Variants in MICU1 observed in about 807,000 individuals in gnomAD.
The protein encoded by MICU1 is calcium uptake protein 1, mitochondrial.
In MICU1, 45 loss-of-function variants were observed where a neutral mutation model predicts 56.8. The observed-to-expected ratio is 0.79, with a 90% CI of 0.62 to 1.02. MICU1 has a LOEUF of 1.02. MICU1 is among the 50% of genes least tolerant of loss of function. MICU1 has a pLI of 0.00. For synonymous variants in MICU1, 186 were observed against 195.1 expected (o/e 0.95, Z 0.39); for missense variants, 504 against 587.1 (o/e 0.86, Z 1.46).
At chr10:72,426,847 T>C (rs1864362435) in intron 8 of MICU1, among the ~76,000 whole-genome samples, 1 of 152,212 alleles carries the variant, frequency 6.6e-6, no homozygotes, top group Admixed American at 6.5e-5. Context: ...GAGTGCCATA[T>C]ACATGTAATC....
At chr10:72,370,795 C>T (rs1443435263) in intron 11 of MICU1, among the ~76,000 whole-genome samples, 2 of 152,120 alleles carry the variant, frequency 1.3e-5, no homozygotes, top group African/African-American at 2.4e-5. Flanking sequence ...CTTTGGGAGG[C>T]CGAGGCGGGC....
chr10:72,388,217 C>T (rs1364253739), intron 10 of MICU1, among the ~76,000 whole-genome samples: 2 of 152,180 alleles, frequency 1.3e-5, no homozygotes, highest in South Asian at 2.1e-4. Context: ...TACCAATGAG[C>T]GGAGGTGGTG....
At chr10:72,498,292 G>T (rs902969360) in intron 6 of MICU1, among the ~76,000 whole-genome samples, 1 of 152,094 alleles carries the variant, frequency 6.6e-6, no homozygotes, top group South Asian at 2.1e-4. Context: ...GCCTAAGAAA[G>T]AAGGAAGCCT....
At chr10:72,372,231 G>A (rs1862369696) in intron 11 of MICU1, among the ~76,000 whole-genome samples, 1 of 152,096 alleles carries the variant, frequency 6.6e-6, no homozygotes, top group Non-Finnish European at 1.5e-5. Flanking sequence ...AATTAGCTAG[G>A]TGTGGTGGCA....
chr10:72,619,540 C>T (rs1842054210), intron 1 of MICU1, among the ~76,000 whole-genome samples: 1 of 152,182 alleles, frequency 6.6e-6, no homozygotes, highest in Non-Finnish European at 1.5e-5. Flanking sequence ...GACAAAGACT[C>T]TGTTATGTAC....
At chr10:72,417,484 T>A (rs1200563163) in intron 9 of MICU1, among the ~76,000 whole-genome samples, 2 of 151,628 alleles carry the variant, frequency 1.3e-5, no homozygotes, top group Admixed American at 1.3e-4. Context: ...GAAATATAGT[T>A]GTAAGGATAA....
chr10:72,600,941 C>G (rs1263898545), intron 1 of MICU1, among the ~76,000 whole-genome samples: 1 of 152,122 alleles, frequency 6.6e-6, no homozygotes, highest in African/African-American at 2.4e-5. Flanking sequence ...ACACACAAAA[C>G]TAAATTATGT....
chr10:72,584,412 T>C (rs947924724), intron 1 of MICU1, among the ~76,000 whole-genome samples: 84 of 152,076 alleles, frequency 5.5e-4, no homozygotes, highest in African/African-American at 1.6e-3. Context: ...ACAGAAACAA[T>C]GATGTCTAAA....
intron 1 of MICU1, among the ~76,000 whole-genome samples, chr10:72,600,818 G>A (rs1841511240): frequency 6.6e-6 from 1 of 152,132 alleles, no homozygotes; most frequent in South Asian, 2.1e-4. Flanking sequence ...ACAGCAATCA[G>A]GTTCAGTACT....
At chr10:72,516,207 CAT>C (rs764024706) in intron 5 of MICU1, among the ~76,000 whole-genome samples, 9 of 152,094 alleles carry the variant, frequency 5.9e-5, no homozygotes, top group African/African-American at 9.7e-5. Context: ...GAGCTTTTTT[CAT>C]ATGTTTGTTG....
intron 10 of MICU1, among the ~76,000 whole-genome samples, chr10:72,403,104 G>A (rs983109793): frequency 2.0e-5 from 3 of 152,110 alleles, no homozygotes; most frequent in Non-Finnish European, 2.9e-5. Context: ...GGGGCCGGGC[G>A]CGGTGGCTGA....
rs772056987 is a variant in MICU1 at position 72,508,279 on chromosome 10, G to A, written c.538-10C>T. 4 of 1,363,664 alleles carry A rather than the reference G, an allele frequency of 2.9e-6. No individual in the cohort carries two copies. Among genetic ancestry groups the A allele is most frequent in the Non-Finnish European group, 4.0e-6 (4 of 992,626 alleles). 84.5% of individuals were successfully genotyped at this position (1,363,664 alleles called of 1,614,324 possible). On this transcript the variant is annotated splice_polypyrimidine_tract_variant and intron_variant, in intron 5 of 11. Transcript: ENST00000361114. ...GTTCCTGGGAAATTTTCTATAGAATGTATGGGTCCCACCAAAAGACAAAAA... is the reference window on the plus strand; with the variant it reads ...GTTCCTGGGAAATTTTCTATAGAATATATGGGTCCCACCAAAAGACAAAAA...
intron 5 of MICU1, among the ~76,000 whole-genome samples, chr10:72,521,241 C>T (rs1867811443): frequency 2.0e-5 from 3 of 152,138 alleles, no homozygotes; most frequent in South Asian, 2.1e-4. Flanking sequence ...TGAGGATCAC[C>T]GTTCACAACC....
chr10:72,430,911 GTTTAC>G (rs1436503268), intron 8 of MICU1, among the ~76,000 whole-genome samples: 3 of 151,946 alleles, frequency 2.0e-5, no homozygotes, highest in Non-Finnish European at 4.4e-5. Context: ...ACAATATATT[GTTTAC>G]TTTTACTTGC....
At chr10:72,596,178 G>GT (rs1315213838) in intron 1 of MICU1, among the ~76,000 whole-genome samples, 1 of 151,988 alleles carries the variant, frequency 6.6e-6, no homozygotes, top group East Asian at 1.9e-4. Context: ...TAGAGATGGG[G>GT]TTTCACTGTG....
intron 10 of MICU1, among the ~76,000 whole-genome samples, chr10:72,388,355 C>G (rs557950560): frequency 6.6e-6 from 1 of 152,312 alleles, no homozygotes; most frequent in Admixed American, 6.5e-5. Flanking sequence ...TTTCTTGCTA[C>G]ATGACTTTAT....
At chr10:72,579,529 T>A (rs536663645) in intron 1 of MICU1, among the ~76,000 whole-genome samples, 11 of 152,318 alleles carry the variant, frequency 7.2e-5, no homozygotes, top group Non-Finnish European at 1.0e-4. Context: ...CCAAAACTTT[T>A]TGAGTGCTGC....
chr10:72,596,170 G>A (rs1202322976), intron 1 of MICU1, among the ~76,000 whole-genome samples: 1 of 151,874 alleles, frequency 6.6e-6, no homozygotes, highest in Admixed American at 6.6e-5. Context: ...ATTTTTAGTA[G>A]AGATGGGGTT....
At chr10:72,589,901 C>A (rs1394780006) in intron 1 of MICU1, among the ~76,000 whole-genome samples, 11 of 151,976 alleles carry the variant, frequency 7.2e-5, no homozygotes. Flanking sequence ...CTAATGCATT[C>A]CAAAAAATTA....
Sources: gnomAD v4.1 joint callset for allele counts (sites outside exome capture counted in the v4.1 genomes callset) on GRCh38, gnomAD v4.1.1 for gene constraint, MANE v1.5 for transcripts, NCBI Gene and HGNC (gene_info 2026-07-23, HGNC 2026-07-21) for gene names.